The following PPM1B variants were observed in gnomAD, a reference collection of about 807,000 sequenced individuals.
The protein encoded by PPM1B is protein phosphatase 1B.
In PPM1B, 22 loss-of-function variants were observed where a neutral mutation model predicts 43.0. That is an observed-to-expected ratio of 0.51 (90% CI 0.37 to 0.73). The LOEUF is 0.73. Among genes scored for constraint, PPM1B ranks in the 30% least tolerant of loss-of-function variants. The pLI is 0.00. For synonymous variants in PPM1B, 217 were observed against 197.9 expected (o/e 1.10, Z -0.81); for missense variants, 632 against 584.2 (o/e 1.08, Z -0.84).
chr2:44,190,765 CA>C (rs1668371555), intron 1 of PPM1B, among the ~76,000 whole-genome samples: 2 of 152,126 alleles, frequency 1.3e-5, no homozygotes, highest in South Asian at 4.1e-4. Context: ...ATAAATTGAA[CA>C]GCGCAAGTAC....
chr2:44,177,646 C>G (rs185104511), intron 1 of PPM1B, among the ~76,000 whole-genome samples: 2 of 151,910 alleles, frequency 1.3e-5, no homozygotes, highest in African/African-American at 4.8e-5. Flanking sequence ...TCTCGAACTC[C>G]TGACCTCAAG....
intron 1 of PPM1B, among the ~76,000 whole-genome samples, chr2:44,192,225 T>TGTATA (rs1668440632): frequency 6.6e-6 from 1 of 151,948 alleles, no homozygotes; most frequent in Admixed American, 6.6e-5. Flanking sequence ...TGTATTGTAT[T>TGTATA]GTATTGTATT....
chr2:44,230,837 C>A lies in PPM1B; in HGVS notation c.*119C>A, dbSNP rs767272235. On this transcript the variant is annotated 3_prime_UTR_variant, in exon 6 of 6. Coordinates refer to ENST00000282412, the MANE Select transcript of PPM1B (RefSeq NM_002706.6). Reference sequence around the variant, plus strand: ...CTTGGAAAACTAGTTTTATTATATTCAGATAGCCTTGTTTTTTAAAAAGGC... The same window carrying A: ...CTTGGAAAACTAGTTTTATTATATTAAGATAGCCTTGTTTTTTAAAAAGGC... The A allele has an allele frequency of 5.8e-5, 84 of 1,449,316 alleles. No homozygotes were observed. Among genetic ancestry groups the A allele is most frequent in the Non-Finnish European group, 7.2e-5 (79 of 1,097,250 alleles). 89.8% of individuals were successfully genotyped at this position (1,449,316 alleles called of 1,614,324 possible).
intron 3 of PPM1B, among the ~76,000 whole-genome samples, chr2:44,211,911 G>A (rs948800312): frequency 4.6e-5 from 7 of 151,852 alleles, no homozygotes; most frequent in Non-Finnish European, 8.8e-5. Context: ...CACCACACCC[G>A]GCCAATTTTG....
chr2:44,242,718 A>G (rs571789493), intron 5 of PPM1B, among the ~76,000 whole-genome samples: 6 of 152,168 alleles, frequency 3.9e-5, no homozygotes, highest in African/African-American at 1.4e-4. Context: ...TGTTTTTCTC[A>G]TATTTGCTTA....
downstream of PPM1B, among the ~76,000 whole-genome samples, chr2:44,236,402 C>CAAAAAAAAA (rs61414038): frequency 0.014 from 656 of 47,498 alleles, 98 homozygotes; most frequent in Non-Finnish European, 0.023. Flanking sequence ...GACTCCGTCT[C>CAAAAAAAAA]AAAAAAAAAA....
intron 5 of PPM1B, among the ~76,000 whole-genome samples, chr2:44,229,200 G>A (rs528899402): frequency 5.3e-5 from 8 of 150,652 alleles, no homozygotes; most frequent in Admixed American, 1.3e-4. Flanking sequence ...AAAAAAGAAC[G>A]AAGACATTTT....
At chr2:44,225,037 C>T (rs952436827) in intron 5 of PPM1B, among the ~76,000 whole-genome samples, 2 of 152,116 alleles carry the variant, frequency 1.3e-5, no homozygotes, top group Admixed American at 1.3e-4. Flanking sequence ...AATCAGAGCC[C>T]TGCCATTTAC....
intron 1 of PPM1B, among the ~76,000 whole-genome samples, chr2:44,190,659 G>T (rs2104069941): frequency 6.6e-6 from 1 of 152,262 alleles, no homozygotes; most frequent in Non-Finnish European, 1.5e-5. Flanking sequence ...TTATTTGTAA[G>T]CGTTAGACCA....
At chr2:44,237,317 G>T (rs951585640), downstream of PPM1B, among the ~76,000 whole-genome samples, 2 of 152,160 alleles carry the variant, frequency 1.3e-5, no homozygotes, top group Non-Finnish European at 2.9e-5. Context: ...GAAGTAAATA[G>T]GTGTAGCTAC....
Position 44,201,552 on chromosome 2 carries a change from G to GT in PPM1B, c.354dup (p.Asn119Ter). 1 of 1,614,104 alleles carries GT rather than the reference G, an allele frequency of 6.2e-7. No individual in the cohort carries two copies. The highest frequency in any genetic ancestry group is 8.5e-7 in the Non-Finnish European group (1 of 1,180,028). ...TTTTTGAAAATTGATGAATACATGCGTAACTTTTCAGACCTCAGAAACGGG... is the reference window on the plus strand; with the variant it reads ...TTTTTGAAAATTGATGAATACATGCGTTAACTTTTCAGACCTCAGAAACGGG... On this transcript the variant is annotated frameshift_variant, in exon 2 of 6. Coordinates refer to ENST00000282412, the MANE Select transcript of PPM1B (RefSeq NM_002706.6). LOFTEE classifies it high-confidence loss of function. This position sits in a 1 kb window ranked among gnomAD's most constrained non-coding sequence, Gnocchi z 5.4.
At chr2:44,244,818 G>GATATATATAT (rs1488304340), downstream of PPM1B, among the ~76,000 whole-genome samples, 1 of 97,240 alleles carries the variant, frequency 1.0e-5, no homozygotes, top group Non-Finnish European at 2.1e-5. Context: ...ATAATTACTT[G>GATATATATAT]AGATATATAT....
At chr2:44,245,644 T>C (rs1030077107), downstream of PPM1B, among the ~76,000 whole-genome samples, 1 of 152,212 alleles carries the variant, frequency 6.6e-6, no homozygotes, top group African/African-American at 2.4e-5. Flanking sequence ...TAATGACCTT[T>C]GTTATAGATT....
downstream of PPM1B, chr2:44,233,554 T>C: frequency 1.0e-6 from 1 of 985,664 alleles, no homozygotes; most frequent in Non-Finnish European, 1.2e-6. Flanking sequence ...ATGGTTTACA[T>C]GTTGTGGATG....
downstream of PPM1B, chr2:44,233,345 A>G: frequency 1.0e-6 from 1 of 983,376 alleles, no homozygotes; most frequent in Non-Finnish European, 1.2e-6. Context: ...TTTTCATTTT[A>G]TAACATTGGG....
chr2:44,189,968 C>T (rs1238529642), intron 1 of PPM1B, among the ~76,000 whole-genome samples: 2 of 152,044 alleles, frequency 1.3e-5, no homozygotes, highest in African/African-American at 2.4e-5. Flanking sequence ...TGGCTTTGTT[C>T]CACCTGTCTT....
intron 1 of PPM1B, among the ~76,000 whole-genome samples, chr2:44,193,349 G>C (rs900026708): frequency 2.0e-5 from 3 of 151,686 alleles, no homozygotes; most frequent in African/African-American, 7.3e-5. Context: ...TTGGCCATTT[G>C]TATGCCATTT....
rs1670184318 is a variant in PPM1B, at chr2:44,225,841, G to T, written c.1135-4572G>T. On this transcript the variant is annotated intron_variant, in intron 5 of 5. Transcript: ENST00000282412. ...CTGGCTAATTTTTCTATTTTTAGTT[G>T]AGATGGGTTTCACCATGTTGATCAG... Among the ~76,000 whole-genome samples, 3 of 151,722 alleles carry T rather than the reference G, an allele frequency of 2.0e-5. No individual in the cohort carries two copies. In the South Asian group the frequency reaches 6.3e-4, roughly 32 times the overall value.
At chr2:44,207,970 C>A in intron 2 of PPM1B, among the ~76,000 whole-genome samples, 1 of 149,954 alleles carries the variant, frequency 6.7e-6, no homozygotes, top group Non-Finnish European at 1.5e-5. Context: ...CTCACTGCAA[C>A]CTCCACCTCC....
Sources: gnomAD v4.1 joint callset for allele counts (sites outside exome capture counted in the v4.1 genomes callset) on GRCh38, gnomAD v4.1.1 for gene constraint, Gnocchi (gnomAD v3.1) non-coding constraint, MANE v1.5 for transcripts, NCBI Gene and HGNC (gene_info 2026-07-23, HGNC 2026-07-21) for gene names.